The following NRXN1 variants were observed in gnomAD, a reference collection of about 807,000 sequenced individuals.
The protein encoded by NRXN1 is neurexin 1.
NRXN1 carries 39 observed loss-of-function variants against 150.9 expected under a neutral mutation model. The observed-to-expected ratio is 0.26, with a 90% CI of 0.20 to 0.34. The LOEUF (loss-of-function observed/expected upper bound fraction) is 0.34. Ranked by LOEUF, NRXN1 falls within the 10% of genes least tolerant of loss-of-function variation. NRXN1 has a pLI of 1.00. For missense variants in NRXN1, 1,815 were observed against 1,949.9 expected (o/e 0.93, Z 1.30); for synonymous variants, 924 against 757.0 (o/e 1.22, Z -3.62).
chr2:49,947,190 G>A (rs1673067713), intron 21 of NRXN1, among the ~76,000 whole-genome samples: 1 of 151,966 alleles, frequency 6.6e-6, no homozygotes, highest in Admixed American at 6.6e-5. Flanking sequence ...TAATTTCAAG[G>A]TTACAGATAA....
intron 17 of NRXN1, among the ~76,000 whole-genome samples, chr2:50,430,298 A>G (rs997002072): frequency 2.0e-5 from 3 of 151,878 alleles, no homozygotes; most frequent in African/African-American, 4.8e-5. Flanking sequence ...ATCAGTCTGT[A>G]ATTTCACTTT....
intron 17 of NRXN1, among the ~76,000 whole-genome samples, chr2:50,316,705 C>G (rs1056376938): frequency 2.6e-5 from 4 of 151,968 alleles, no homozygotes; most frequent in African/African-American, 9.7e-5. Context: ...AAGTAACAAA[C>G]ACATGTTCTG....
At chr2:50,894,863 G>T (rs902227878) in intron 5 of NRXN1, among the ~76,000 whole-genome samples, 2 of 151,990 alleles carry the variant, frequency 1.3e-5, no homozygotes, top group Non-Finnish European at 2.9e-5. Flanking sequence ...ATTATACCAC[G>T]ATGTAATCTA....
At chr2:50,323,041 G>C (rs139481650) in intron 17 of NRXN1, among the ~76,000 whole-genome samples, 2 of 152,118 alleles carry the variant, frequency 1.3e-5, no homozygotes, top group African/African-American at 4.8e-5. Flanking sequence ...ATTTAACAAC[G>C]TTCTTCTAAG....
At chr2:50,880,805 G>T (rs142220539) in intron 5 of NRXN1, among the ~76,000 whole-genome samples, 20 of 152,060 alleles carry the variant, frequency 1.3e-4, no homozygotes, top group African/African-American at 4.8e-4. Context: ...AATCACTAAA[G>T]CAAGAGGATA....
chr2:50,745,944 G>A (rs3861564), intron 5 of NRXN1, among the ~76,000 whole-genome samples: 1 of 151,916 alleles, frequency 6.6e-6, no homozygotes, highest in African/African-American at 2.4e-5. Flanking sequence ...TTTTAAAACA[G>A]TAATCAAGAA....
At chr2:50,851,017 T>C (rs900281256) in intron 5 of NRXN1, among the ~76,000 whole-genome samples, 1 of 152,190 alleles carries the variant, frequency 6.6e-6, no homozygotes, top group African/African-American at 2.4e-5. Flanking sequence ...ACTCATCATC[T>C]TTCTAATTCC....
At chr2:50,578,167 C>T (rs921894459) in intron 8 of NRXN1, among the ~76,000 whole-genome samples, 2 of 152,138 alleles carry the variant, frequency 1.3e-5, no homozygotes, top group Non-Finnish European at 2.9e-5. Context: ...AAATCCAATG[C>T]TCTAGACTTT....
intron 5 of NRXN1, chr2:50,656,390 A>G: frequency 1.3e-6 from 1 of 777,034 alleles, no homozygotes; most frequent in South Asian, 1.3e-5. Flanking sequence ...AGAAGTCATG[A>G]AAGTGGTCTG....
At chr2:50,956,223 T>C (rs779267883) in intron 2 of NRXN1, among the ~76,000 whole-genome samples, 1 of 152,158 alleles carries the variant, frequency 6.6e-6, no homozygotes, top group African/African-American at 2.4e-5. Flanking sequence ...TGGTCTGTTT[T>C]ATAAGTTATT....
At chr2:50,612,642 T>C (rs1678380561) in intron 8 of NRXN1, among the ~76,000 whole-genome samples, 1 of 152,200 alleles carries the variant, frequency 6.6e-6, no homozygotes, top group Non-Finnish European at 1.5e-5. Flanking sequence ...CTACTTTTCA[T>C]GTACATTTGT....
At chr2:50,944,884 T>A (rs769387800) in intron 2 of NRXN1, among the ~76,000 whole-genome samples, 2 of 152,262 alleles carry the variant, frequency 1.3e-5, no homozygotes, top group Non-Finnish European at 2.9e-5. Context: ...TAGGAATGCA[T>A]GTAAATTAAC....
At chr2:50,206,911 T>C (rs1482188403) in intron 18 of NRXN1, among the ~76,000 whole-genome samples, 16 of 150,044 alleles carry the variant, frequency 1.1e-4, no homozygotes, top group African/African-American at 2.9e-4. Flanking sequence ...CACACATACA[T>C]ATACACACAC....
chr2:50,617,641 T>A lies in NRXN1; in HGVS notation c.1320+2381A>T, dbSNP rs528146868. Among the ~76,000 whole-genome samples the A allele has an allele frequency of 5.9e-5, 9 of 152,264 alleles. No homozygotes were observed. The South Asian group carries it at 1.7e-3, about 28-fold the overall frequency. The stretch of plus-strand genomic sequence containing the variant: ...GTCCAATCAATAAAGAAGAGTGAAT[T>A]GTATCCAAACCCTATAGTGACAACA... On this transcript the variant is annotated intron_variant, in intron 8 of 22. Coordinates refer to ENST00000401669, the MANE Select transcript of NRXN1 (RefSeq NM_001330078.2).
chr2:50,363,415 T>A (rs2079361130), intron 17 of NRXN1, among the ~76,000 whole-genome samples: 1 of 151,960 alleles, frequency 6.6e-6, no homozygotes, highest in Non-Finnish European at 1.5e-5. Context: ...AACAACCCCA[T>A]CAAAAGGCGG....
At chr2:50,815,785 T>C (rs1668844133) in intron 5 of NRXN1, among the ~76,000 whole-genome samples, 1 of 152,168 alleles carries the variant, frequency 6.6e-6, no homozygotes, top group Non-Finnish European at 1.5e-5. Flanking sequence ...TTCACGCTAT[T>C]TTATCTATAG....
At chr2:50,687,008 A>G (rs1691330334) in intron 5 of NRXN1, among the ~76,000 whole-genome samples, 1 of 152,220 alleles carries the variant, frequency 6.6e-6, no homozygotes, top group Non-Finnish European at 1.5e-5. Context: ...TGACTTATCA[A>G]TTGCCTCAAC....
At chr2:50,634,081 G>A (rs888963724) in intron 5 of NRXN1, among the ~76,000 whole-genome samples, 2 of 152,200 alleles carry the variant, frequency 1.3e-5, no homozygotes, top group African/African-American at 2.4e-5. Flanking sequence ...TGAAATCAGA[G>A]CTGTGGGATG....
chr2:50,428,250 C>A (rs1484403561), intron 17 of NRXN1, among the ~76,000 whole-genome samples: 2 of 151,916 alleles, frequency 1.3e-5, no homozygotes, highest in South Asian at 4.2e-4. Flanking sequence ...CCCGTCTCTA[C>A]GAAAAAATAA....
Sources: allele counts gnomAD v4.1 joint callset (sites outside exome capture counted in the v4.1 genomes callset), GRCh38; gene constraint gnomAD v4.1.1; transcripts MANE v1.5; gene names NCBI Gene and HGNC (gene_info 2026-07-23, HGNC 2026-07-21).